ZNF529: variants seen among roughly 807,000 people sequenced by gnomAD.
The protein encoded by ZNF529 is zinc finger protein 529.
A neutral mutation model predicts 10.1 loss-of-function variants in ZNF529; 11 were observed. The ratio of observed to expected loss-of-function variants is 1.09; its 90% CI spans 0.69 to 1.81. The LOEUF (loss-of-function observed/expected upper bound fraction) is 1.81. Ranked by LOEUF, ZNF529 falls within the 40% of genes most tolerant of loss-of-function variation. ZNF529 has a pLI of 0.00. For synonymous variants in ZNF529, 204 were observed against 215.7 expected (o/e 0.95, Z 0.47); for missense variants, 624 against 666.8 (o/e 0.94, Z 0.71).
Position 36,547,173 on chromosome 19 carries a change from G to T in ZNF529, c.1385C>A (p.Thr462Lys). Residue 462 changes from threonine to lysine, a missense_variant, in exon 5 of 5, where the codon ACG (threonine) becomes AAG (lysine). Coordinates refer to ENST00000591340, the MANE Select transcript of ZNF529 (RefSeq NM_020951.5). The stretch of plus-strand genomic sequence containing the variant: ...TCTTTGATGTTGAATAAGGGCTGAC[G>T]TAAGTCTAAAGAACTTTCCACACTC... ...CKECGKFFRLTSALIQHQRIH... is the reference protein window; with the variant it reads ...CKECGKFFRLKSALIQHQRIH... 3 of 1,612,532 alleles carry T rather than the reference G, an allele frequency of 1.9e-6. No individual in the cohort carries two copies. Among genetic ancestry groups the T allele is most frequent in the Non-Finnish European group, 2.5e-6 (3 of 1,179,230 alleles).
chr19:36,554,424 A>C (rs937126927), intron 4 of ZNF529, among the ~76,000 whole-genome samples: 1 of 152,118 alleles, frequency 6.6e-6, no homozygotes, highest in Non-Finnish European at 1.5e-5. Context: ...TAAAAATACA[A>C]AAAATTAGAT....
intron 4 of ZNF529, among the ~76,000 whole-genome samples, chr19:36,553,228 C>T (rs950776650): frequency 6.6e-6 from 1 of 152,096 alleles, no homozygotes. Flanking sequence ...CGAGTTCAAG[C>T]GGGTTCCAGC....
At chr19:36,590,736 C>A (rs1323983308) in intron 1 of ZNF529, among the ~76,000 whole-genome samples, 3 of 151,958 alleles carry the variant, frequency 2.0e-5, no homozygotes, top group Non-Finnish European at 4.4e-5. Flanking sequence ...TTGGAACCAG[C>A]CTGGCCAACA....
At chr19:36,594,223 T>G (rs1327129401) in intron 1 of ZNF529, 1 of 152,190 alleles carries the variant, frequency 6.6e-6, no homozygotes, top group Non-Finnish European at 1.5e-5. Context: ...TCAGAGACCA[T>G]AAATTCCAGT....
At chr19:36,548,344 T>C in intron 4 of ZNF529, 22 bp from the exon 5 acceptor site, 1 of 1,491,170 alleles carries the variant, frequency 6.7e-7, no homozygotes, top group Non-Finnish European at 8.9e-7. Flanking sequence ...GAAAAAATAA[T>C]TTTCATGTAC....
chr19:36,579,178 G>A (rs928210993), intron 2 of ZNF529, among the ~76,000 whole-genome samples: 15 of 151,584 alleles, frequency 9.9e-5, no homozygotes, highest in Admixed American at 2.0e-4. Flanking sequence ...TCCAGCCTGG[G>A]AGACAGAGTG....
At position 36,554,657 on chromosome 19, in the gene ZNF529, C is replaced by A; in HGVS notation, c.235+13G>T. 1 of 1,535,708 alleles carries A rather than the reference C, an allele frequency of 6.5e-7. No individual in the cohort carries two copies. The highest frequency in any genetic ancestry group is 2.0e-5 in the Admixed American group (1 of 49,664). On this transcript the variant is annotated intron_variant, in intron 4 of 4. Transcript: ENST00000591340. Reference sequence around the variant, plus strand: ...AGAGTATATTCTAAGTTATTTAAGGCAGATAAATTTACCCAGTGAGAGTAA... The same window carrying A: ...AGAGTATATTCTAAGTTATTTAAGGAAGATAAATTTACCCAGTGAGAGTAA...
At chr19:36,597,060 T>TG (rs774061140) in intron 1 of ZNF529, among the ~76,000 whole-genome samples, 2 of 151,934 alleles carry the variant, frequency 1.3e-5, no homozygotes, top group Non-Finnish European at 2.9e-5. Context: ...TTTGTAGAGA[T>TG]GGGGTCTCAC....
At chr19:36,605,065 T>A (rs985223752) in intron 1 of ZNF529, 7 of 152,614 alleles carry the variant, frequency 4.6e-5, no homozygotes, top group African/African-American at 1.7e-4. Flanking sequence ...CCGCGTCCCA[T>A]GAACCCAGGT....
chr19:36,552,287 G>A (rs553037126), intron 4 of ZNF529, among the ~76,000 whole-genome samples: 82 of 151,988 alleles, frequency 5.4e-4, no homozygotes, highest in Non-Finnish European at 7.5e-4. Context: ...AAAATTAGCC[G>A]GGCGTGGTGG....
upstream of ZNF529, chr19:36,573,514 C>T (rs2036229004): frequency 2.1e-6 from 1 of 470,490 alleles, no homozygotes; most frequent in African/African-American, 2.0e-5. Context: ...GCTGGTGGTC[C>T]CTGACGGCAA....
intron 2 of ZNF529, among the ~76,000 whole-genome samples, chr19:36,578,962 T>C (rs2036402894): frequency 6.6e-6 from 1 of 150,982 alleles, no homozygotes; most frequent in African/African-American, 2.4e-5. Flanking sequence ...ATCCCAGCAC[T>C]TGGGGAGGCC....
In ZNF529 at chr19:36,573,181, CCGG is replaced by C; in HGVS notation, c.-91_-89del. 3.2e-6 allele frequency: 1 copy of C among 316,618 alleles called. No individual in the cohort carries two copies. Among genetic ancestry groups the C allele is most frequent in the Non-Finnish European group, 6.4e-6 (1 of 155,572 alleles). 19.6% of individuals were successfully genotyped at this position (316,618 alleles called of 1,614,324 possible). On this transcript the variant is annotated 5_prime_UTR_variant, in exon 1 of 5. Transcript: ENST00000591340. ...TCCCGCGTACAGAGGCCTCAGGCTCCCGGCTCCACGTGGACCGACCTCGCCCGG... is the reference window on the plus strand; with the variant it reads ...TCCCGCGTACAGAGGCCTCAGGCTCCCTCCACGTGGACCGACCTCGCCCGG...
At chr19:36,601,305 C>T (rs2036919920) in intron 1 of ZNF529, among the ~76,000 whole-genome samples, 1 of 151,848 alleles carries the variant, frequency 6.6e-6, no homozygotes, top group African/African-American at 2.4e-5. Context: ...GGAGTTTCAC[C>T]ATGTTAGCCA....
chr19:36,551,496 A>G (rs2035255730), intron 4 of ZNF529, among the ~76,000 whole-genome samples: 1 of 152,224 alleles, frequency 6.6e-6, no homozygotes, highest in Non-Finnish European at 1.5e-5. Flanking sequence ...ATCAATAAAC[A>G]TAATGAGACT....
upstream of ZNF529, among the ~76,000 whole-genome samples, chr19:36,573,742 G>T (rs557726802): frequency 2.6e-5 from 4 of 152,322 alleles, no homozygotes; most frequent in East Asian, 7.7e-4. Flanking sequence ...CCCAGGCTGA[G>T]GGAGGCCGAA....
At chr19:36,592,422 C>T (rs964711854) in intron 1 of ZNF529, among the ~76,000 whole-genome samples, 6 of 151,440 alleles carry the variant, frequency 4.0e-5, no homozygotes, top group African/African-American at 1.2e-4. Flanking sequence ...GGTCAAACTC[C>T]GTCTCCACTA....
Position 36,544,754 on chromosome 19 carries a change from ATACT to A in ZNF529, c.*2108_*2111del, listed in dbSNP as rs1226591585. 6.6e-6 allele frequency: 1 copy of A among 152,240 alleles called. No homozygotes were observed. The highest frequency in any genetic ancestry group is 1.5e-5 in the Non-Finnish European group (1 of 68,048). The allele number at this position is 152,240 out of a possible 1,614,324, so 9.4% of individuals were successfully genotyped here. ...TCTTTTAAAACTACTTGAATAAGCA[ATACT>A]TACATAAAACATAGCTCAATATATC... On this transcript the variant is annotated 3_prime_UTR_variant, in exon 5 of 5. Coordinates refer to ENST00000591340, the MANE Select transcript of ZNF529 (RefSeq NM_020951.5).
chr19:36,546,769 G>C lies in ZNF529; in HGVS notation c.*97C>G. 3.0e-6 allele frequency: 4 copies of C among 1,313,512 alleles called. No homozygotes were observed. The South Asian group carries it at 4.5e-5, about 15-fold the overall frequency. The allele number at this position is 1,313,512 out of a possible 1,614,324, so 81.4% of individuals were successfully genotyped here. On this transcript the variant is annotated 3_prime_UTR_variant, in exon 5 of 5. Transcript: ENST00000591340. ...CATGAAGTCTAAAAACAGACTTTAA[G>C]AGAGGGAGATACTGAATTGCCTTGA...
Sources: allele counts gnomAD v4.1 joint callset (sites outside exome capture counted in the v4.1 genomes callset), GRCh38; gene constraint gnomAD v4.1.1; transcripts MANE v1.5; gene names NCBI Gene and HGNC (gene_info 2026-07-23, HGNC 2026-07-21).